FHIT: variants seen among roughly 807,000 people sequenced by gnomAD.
FHIT encodes fragile histidine triad diadenosine triphosphatase.
FHIT carries 19 observed loss-of-function variants against 17.9 expected under a neutral mutation model. The ratio of observed to expected loss-of-function variants is 1.06; its 90% CI spans 0.74 to 1.56. The LOEUF (loss-of-function observed/expected upper bound fraction) is 1.56, where lower values mean the gene tolerates loss of function less well. FHIT is among the 40% of genes most tolerant of loss of function. The pLI is 0.00. For synonymous variants in FHIT, 81 were observed against 69.7 expected, an observed-to-expected ratio of 1.16 and a Z score of -0.81; for missense variants, 248 against 189.2, an observed-to-expected ratio of 1.31 and a Z score of -1.82.
chr3:60,132,999 A>C (rs1699658579), intron 5 of FHIT, among the ~76,000 whole-genome samples: 1 of 152,150 alleles, frequency 6.6e-6, no homozygotes, highest in Admixed American at 6.6e-5. Flanking sequence ...ACATCTACCC[A>C]ATACAGATTT....
chr3:60,962,024 T>C (rs1453016172), intron 3 of FHIT, among the ~76,000 whole-genome samples: 3 of 152,210 alleles, frequency 2.0e-5, no homozygotes, highest in Non-Finnish European at 4.4e-5. Flanking sequence ...TTGGGCAGTA[T>C]GGCCATTTTC....
chr3:60,162,929 T>G (rs1701003268), intron 5 of FHIT, among the ~76,000 whole-genome samples: 1 of 152,192 alleles, frequency 6.6e-6, no homozygotes, highest in South Asian at 2.1e-4. Context: ...GGTCTCAGGC[T>G]TACAACAAAA....
At chr3:60,022,412 C>G (rs904552967) in intron 5 of FHIT, among the ~76,000 whole-genome samples, 2 of 152,180 alleles carry the variant, frequency 1.3e-5, no homozygotes, top group African/African-American at 2.4e-5. Context: ...GAATACAGGT[C>G]AAAGAGTTGT....
intron 1 of FHIT, among the ~76,000 whole-genome samples, chr3:61,245,101 C>T (rs1342809076): frequency 6.6e-6 from 1 of 152,096 alleles, no homozygotes; most frequent in East Asian, 1.9e-4. Context: ...TTATCTAAGT[C>T]CTCTTAGTAT....
At chr3:59,979,320 C>T (rs2736795) in intron 7 of FHIT, among the ~76,000 whole-genome samples, 147,433 of 152,178 alleles carry the variant, frequency 0.97, 71,586 homozygotes, top group East Asian at 1. Context: ...CTCCTCAAAG[C>T]CAGAGATATT....
At chr3:60,048,307 G>C (rs1218666197) in intron 5 of FHIT, among the ~76,000 whole-genome samples, 2 of 152,142 alleles carry the variant, frequency 1.3e-5, no homozygotes, top group Non-Finnish European at 2.9e-5. Context: ...CTCCCGAGTA[G>C]CTGGGACTAC....
At chr3:60,235,773 G>C (rs929888784) in intron 5 of FHIT, among the ~76,000 whole-genome samples, 1 of 152,178 alleles carries the variant, frequency 6.6e-6, no homozygotes, top group Non-Finnish European at 1.5e-5. Flanking sequence ...AGAGGATGTA[G>C]TATGTTTCAT....
At chr3:59,869,784 C>T (rs1343603278) in intron 8 of FHIT, among the ~76,000 whole-genome samples, 6 of 151,834 alleles carry the variant, frequency 4.0e-5, no homozygotes, top group South Asian at 4.2e-4. Flanking sequence ...CCACAACCGG[C>T]GAAGGATACC....
chr3:60,679,609 C>T lies in FHIT; in HGVS notation c.-18+142310G>A, dbSNP rs561338814. On this transcript the variant is annotated intron_variant, in intron 4 of 9. Coordinates refer to ENST00000492590, the MANE Select transcript of FHIT (RefSeq NM_002012.4). ...ATTTATTTAACAATTTCACTGTTTA[C>T]TGACAGATAATTTAGAGTACTTAAT... is the stretch of plus-strand genomic sequence containing the variant. Among the ~76,000 whole-genome samples the T allele has an allele frequency of 5.3e-5, 8 of 152,074 alleles. 1 individual carries two copies. In the South Asian group the frequency reaches 1.7e-3, roughly 32 times the overall value.
chr3:59,887,580 T>C (rs1030509761), intron 8 of FHIT, among the ~76,000 whole-genome samples: 4 of 152,176 alleles, frequency 2.6e-5, no homozygotes, highest in Non-Finnish European at 5.9e-5. Flanking sequence ...AAGCTCCAGA[T>C]TGCTCATCTT....
chr3:60,396,808 T>A (rs1701459517), intron 5 of FHIT, among the ~76,000 whole-genome samples: 1 of 152,186 alleles, frequency 6.6e-6, no homozygotes, highest in African/African-American at 2.4e-5. Context: ...TACATCTCAA[T>A]AACTTATTTC....
At chr3:60,078,799 A>T (rs1369529201) in intron 5 of FHIT, among the ~76,000 whole-genome samples, 1 of 152,120 alleles carries the variant, frequency 6.6e-6, no homozygotes. Flanking sequence ...ACACACACTC[A>T]TATATAGGTG....
chr3:59,968,778 G>A (rs1313109806), intron 7 of FHIT, among the ~76,000 whole-genome samples: 4 of 152,296 alleles, frequency 2.6e-5, no homozygotes, highest in Non-Finnish European at 4.4e-5. Context: ...GCTAAAACAC[G>A]CTCTGTGAAC....
rs980105338 is a variant in FHIT, at chr3:59,855,144, G to A, written c.348+67202C>T. Among the ~76,000 whole-genome samples, 5 of 152,182 alleles carry A rather than the reference G, an allele frequency of 3.3e-5. No individual in the cohort carries two copies. In the East Asian group the frequency reaches 7.7e-4, roughly 23 times the overall value. Reference sequence around the variant, plus strand: ...CAGGGTTCTTTTGAGGATACAGTGAGTATTAAAATGGGCTGGTACATAGTA... The same window carrying A: ...CAGGGTTCTTTTGAGGATACAGTGAATATTAAAATGGGCTGGTACATAGTA... On this transcript the variant is annotated intron_variant, in intron 8 of 9. Coordinates refer to ENST00000492590, the MANE Select transcript of FHIT (RefSeq NM_002012.4).
chr3:60,109,403 C>T (rs1704572834), intron 5 of FHIT, among the ~76,000 whole-genome samples: 2 of 151,864 alleles, frequency 1.3e-5, no homozygotes. Context: ...ATATTTCCCA[C>T]TTTTACTCTA....
chr3:60,455,994 G>A (rs1004163628), intron 5 of FHIT, among the ~76,000 whole-genome samples: 3 of 152,078 alleles, frequency 2.0e-5, no homozygotes, highest in Admixed American at 1.3e-4. Context: ...ATAATGATTC[G>A]ATTTCTTTAA....
chr3:59,929,583 C>T (rs1035045431), intron 7 of FHIT, among the ~76,000 whole-genome samples: 3 of 151,874 alleles, frequency 2.0e-5, no homozygotes, highest in Admixed American at 1.3e-4. Context: ...CCATGTTGGC[C>T]AGGCTGGTCT....
intron 3 of FHIT, among the ~76,000 whole-genome samples, chr3:60,980,257 CACA>C (rs1710437513): frequency 6.6e-6 from 1 of 152,116 alleles, no homozygotes; most frequent in African/African-American, 2.4e-5. Flanking sequence ...AAAAAATAAA[CACA>C]ACATCTTTTC....
intron 5 of FHIT, among the ~76,000 whole-genome samples, chr3:60,026,029 A>G (rs937755905): frequency 2.0e-5 from 3 of 152,136 alleles, no homozygotes; most frequent in African/African-American, 7.2e-5. Context: ...AGGGGGGGAA[A>G]GAAAAGTTCT....
Sources: gnomAD v4.1 joint callset for allele counts (sites outside exome capture counted in the v4.1 genomes callset) on GRCh38, gnomAD v4.1.1 for gene constraint, MANE v1.5 for transcripts, NCBI Gene and HGNC (gene_info 2026-07-23, HGNC 2026-07-21) for gene names.